Variants in HEPHL1 observed in about 807,000 individuals in gnomAD.
HEPHL1 encodes the protein hephaestin like 1.
Under a neutral mutation model 122.0 loss-of-function variants are expected in HEPHL1, and 123 were observed. The ratio of observed to expected loss-of-function variants is 1.01; its 90% CI spans 0.87 to 1.17. HEPHL1 has a LOEUF of 1.17. HEPHL1 is among the 50% of genes most tolerant of loss of function. The probability of loss-of-function intolerance (pLI) is 0.00; values close to 1 mark genes in which losing one functional copy is unlikely to be tolerated. For synonymous variants in HEPHL1, 527 were observed against 508.9 expected (o/e 1.04, Z -0.48); for missense variants, 1,452 against 1,430.5 (o/e 1.01, Z -0.24).
chr11:94,052,031 G>T (rs1945894560), intron 2 of HEPHL1, among the ~76,000 whole-genome samples: 1 of 152,010 alleles, frequency 6.6e-6, no homozygotes, highest in African/African-American at 2.4e-5. Flanking sequence ...ATGCCATTTG[G>T]GTTACTATAG....
chr11:94,060,941 A>G (rs1945981926), intron 2 of HEPHL1, among the ~76,000 whole-genome samples: 1 of 152,182 alleles, frequency 6.6e-6, no homozygotes, highest in Non-Finnish European at 1.5e-5. Flanking sequence ...TACAAAGTCC[A>G]GGTGAGAGAT....
intron 1 of HEPHL1, among the ~76,000 whole-genome samples, chr11:94,042,803 C>T (rs529922133): frequency 1.5e-5 from 2 of 136,130 alleles, no homozygotes; most frequent in Non-Finnish European, 3.1e-5. Flanking sequence ...TGCAGCGCAC[C>T]AGCATGGCAC....
At chr11:94,031,590 C>G (rs528821879) in intron 1 of HEPHL1, among the ~76,000 whole-genome samples, 78 of 152,288 alleles carry the variant, frequency 5.1e-4, no homozygotes, top group Non-Finnish European at 2.9e-5. Flanking sequence ...AACAGGATTC[C>G]TCTCTTGATC....
Position 94,075,235 on chromosome 11 carries a change from G to A in HEPHL1, c.1566G>A (p.Val522=). 6.2e-7 allele frequency: 1 copy of A among 1,613,456 alleles called. No homozygotes were observed. The highest frequency in any genetic ancestry group is 1.1e-5 in the South Asian group (1 of 91,058). The change falls in exon 9 of 20, where the codon GTG becomes GTA. Residue 522 remains valine (V), a synonymous_variant. Transcript: ENST00000315765. The part of the protein sequence containing the change: ...PGETFTYKWT[V]PESVSPTAGD... ...AAACCTTCACATACAAGTGGACAGT[G>A]CCTGAGAGCGTAAGCCCAACTGCTG...
Position 94,111,843 on chromosome 11 carries a change from G to C in HEPHL1, c.3429G>C (p.Gln1143His). 6.5e-7 allele frequency: 1 copy of C among 1,535,450 alleles called. No individual in the cohort carries two copies. Among genetic ancestry groups the C allele is most frequent in the Non-Finnish European group, 8.7e-7 (1 of 1,143,878 alleles). The change falls in exon 20 of 20, where the codon CAG becomes CAC. Residue 1143 changes from glutamine to histidine, a missense_variant. Physicochemically the swap from Gln to His is conservative, Grantham distance 24. Transcript: ENST00000315765. Reference sequence around the variant, plus strand: ...TCAGACTCTGCTCTGCAATGAAGCAGACAGATTACCAGCAAGTCCAGTCCT... The same window carrying C: ...TCAGACTCTGCTCTGCAATGAAGCACACAGATTACCAGCAAGTCCAGTCCT... Reference protein sequence around the residue: ...LSLRLCSAMKQTDYQQVQSCA... With the variant: ...LSLRLCSAMKHTDYQQVQSCA...
intron 1 of HEPHL1, among the ~76,000 whole-genome samples, chr11:94,037,046 G>C (rs1450938208): frequency 6.6e-6 from 1 of 152,216 alleles, no homozygotes; most frequent in African/African-American, 2.4e-5. Flanking sequence ...GCAAGGCATT[G>C]CCTCACCTGG....
chr11:94,023,531 A>C (rs1945598877), intron 1 of HEPHL1, among the ~76,000 whole-genome samples: 1 of 152,218 alleles, frequency 6.6e-6, no homozygotes, highest in Admixed American at 6.5e-5. Context: ...CTTTGATGAA[A>C]GTACAATAAA....
intron 4 of HEPHL1, among the ~76,000 whole-genome samples, chr11:94,065,999 C>A (rs1000306140): frequency 6.6e-6 from 1 of 152,036 alleles, no homozygotes; most frequent in Admixed American, 6.6e-5. Context: ...GCCTGGGCAA[C>A]ATAGGTAGAT....
At chr11:94,082,669 T>C in intron 10 of HEPHL1, 101 bp downstream of exon 10, 1 of 1,150,270 alleles carries the variant, frequency 8.7e-7, no homozygotes, top group Non-Finnish European at 1.2e-6. Flanking sequence ...GTTTCTTGGA[T>C]ATTGTTCTTG....
intron 1 of HEPHL1, among the ~76,000 whole-genome samples, chr11:94,041,144 T>C (rs1378034810): frequency 6.8e-6 from 1 of 147,480 alleles, no homozygotes; most frequent in Non-Finnish European, 1.5e-5. Flanking sequence ...GAGAATAAAA[T>C]ACCTAGGAAT....
chr11:94,095,147 T>C (rs576217245), intron 13 of HEPHL1, among the ~76,000 whole-genome samples: 1 of 152,220 alleles, frequency 6.6e-6, no homozygotes, highest in Admixed American at 6.5e-5. Context: ...TTTAAGTCTT[T>C]AATCAATCTT....
chr11:94,068,044 T>C (rs942711930), intron 5 of HEPHL1, among the ~76,000 whole-genome samples: 7 of 152,188 alleles, frequency 4.6e-5, no homozygotes, highest in African/African-American at 1.7e-4. Context: ...ATGAATACGA[T>C]TTAAGGCAGA....
At position 94,114,123 on chromosome 11, in the gene HEPHL1, C is replaced by T. The variant is rs1242383196; in HGVS notation, c.*2229C>T. 6.6e-6 allele frequency among the ~76,000 whole-genome samples: 1 copy of T among 152,196 alleles called. No individual in the cohort carries two copies. Among genetic ancestry groups the T allele is most frequent in the Non-Finnish European group, 1.5e-5 (1 of 68,038 alleles). ...ATTCCCTTGGGTATCCATTTTTCCT[C>T]CTGCATCTTTCTATGAAACCATCAG... is the stretch of plus-strand genomic sequence containing the variant. On this transcript the variant is annotated 3_prime_UTR_variant, in exon 20 of 20. Coordinates refer to ENST00000315765, the MANE Select transcript of HEPHL1 (RefSeq NM_001098672.2).
chr11:94,099,846 G>A (rs976890292), intron 13 of HEPHL1, among the ~76,000 whole-genome samples: 2 of 152,184 alleles, frequency 1.3e-5, no homozygotes, highest in African/African-American at 4.8e-5. Context: ...TGTGCCGTTT[G>A]CTAAGACCAT....
intron 17 of HEPHL1, among the ~76,000 whole-genome samples, chr11:94,109,360 T>C (rs957914967): frequency 2.6e-5 from 4 of 152,168 alleles, no homozygotes; most frequent in Non-Finnish European, 1.5e-5. Flanking sequence ...TTTGTCTTAC[T>C]GCAATGGCTA....
At position 94,093,762 on chromosome 11, in the gene HEPHL1, T is replaced by G. The variant is rs967383352; in HGVS notation, c.2434+122T>G. ...AAGAAACAGAGTAGCTTGACTGCAT[T>G]CCTCCAAGTGTAATATCTTCCTGCT... On this transcript the variant is annotated intron_variant, in intron 13 of 19. Coordinates refer to ENST00000315765, the MANE Select transcript of HEPHL1 (RefSeq NM_001098672.2). 3 of 1,103,960 alleles carry G rather than the reference T, an allele frequency of 2.7e-6. No homozygotes were observed. The Admixed American group carries it at 8.1e-5, about 30-fold the overall frequency. 68.4% of individuals were successfully genotyped at this position (1,103,960 alleles called of 1,614,324 possible). A position where few individuals can be genotyped will look rare whatever the true frequency, so the allele number is the denominator to read the frequency against.
chr11:94,049,563 C>G (rs1293451011), intron 2 of HEPHL1, among the ~76,000 whole-genome samples: 2 of 146,668 alleles, frequency 1.4e-5, no homozygotes, highest in African/African-American at 5.0e-5. Context: ...CTCCCAGGTG[C>G]CAGACATTGA....
In HEPHL1 at chr11:94,064,340, ATAGATAT is replaced by A. The variant is rs776077381; in HGVS notation, c.640_646del (p.Arg214GlnfsTer13). On this transcript the variant is annotated frameshift_variant, in exon 4 of 20. Coordinates refer to ENST00000315765, the MANE Select transcript of HEPHL1 (RefSeq NM_001098672.2). LOFTEE classifies it high-confidence loss of function. ...TGAATGTGCCTGACAGGTATCCTGA[ATAGATAT>A]TCAGGGACACGGAATGATGTGGATC... 1.2e-6 allele frequency: 2 copies of A among 1,611,510 alleles called. No homozygotes were observed. The highest frequency in any genetic ancestry group is 3.3e-5 in the Admixed American group (2 of 59,924).
intron 1 of HEPHL1, among the ~76,000 whole-genome samples, chr11:94,028,161 C>T (rs1048143412): frequency 1.3e-5 from 2 of 152,140 alleles, no homozygotes; most frequent in Non-Finnish European, 2.9e-5. Context: ...GTAGAGTTGG[C>T]AGTTAACATT....
Sources: allele counts gnomAD v4.1 joint callset (sites outside exome capture counted in the v4.1 genomes callset), GRCh38; gene constraint gnomAD v4.1.1; transcripts MANE v1.5; gene names NCBI Gene and HGNC (gene_info 2026-07-23, HGNC 2026-07-21).